ERBB4: variants seen among roughly 807,000 people sequenced by gnomAD.
The protein encoded by ERBB4 is erb-b2 receptor tyrosine kinase 4, also known as receptor tyrosine-protein kinase erbB-4.
In ERBB4, 42 loss-of-function variants were observed where a neutral mutation model predicts 158.0. That is an observed-to-expected ratio of 0.27 (90% confidence interval 0.21 to 0.34). ERBB4 has a LOEUF of 0.34. Ranked by LOEUF, ERBB4 falls within the 10% of genes least tolerant of loss-of-function variation. ERBB4 has a pLI of 1.00. For synonymous variants in ERBB4, 583 were observed against 558.7 expected (o/e 1.04, Z -0.61); for missense variants, 1,333 against 1,624.1 (o/e 0.82, Z 3.08).
chr2:211,769,122 A>T (rs957671367), intron 4 of ERBB4, among the ~76,000 whole-genome samples: 6 of 152,280 alleles, frequency 3.9e-5, no homozygotes, highest in African/African-American at 1.4e-4. Flanking sequence ...TCAAGTTCAA[A>T]GTTCCCCAGG....
chr2:212,192,162 T>C (rs796452400), intron 1 of ERBB4, among the ~76,000 whole-genome samples: 3 of 115,908 alleles, frequency 2.6e-5, no homozygotes, highest in African/African-American at 6.2e-5. Flanking sequence ...TATTATATTA[T>C]ATGTGTTATA....
At chr2:212,157,867 G>A (rs1433223868) in intron 1 of ERBB4, among the ~76,000 whole-genome samples, 3 of 152,024 alleles carry the variant, frequency 2.0e-5, no homozygotes, top group Non-Finnish European at 4.4e-5. Flanking sequence ...TAGACTGGAG[G>A]TAAGAAGACC....
At chr2:212,105,774 G>A (rs746252734) in intron 2 of ERBB4, among the ~76,000 whole-genome samples, 1 of 152,220 alleles carries the variant, frequency 6.6e-6, no homozygotes, top group African/African-American at 2.4e-5. Flanking sequence ...CAATTCCCAC[G>A]TGTTGTGGGA....
intron 2 of ERBB4, among the ~76,000 whole-genome samples, chr2:212,006,650 C>T (rs1237128306): frequency 6.6e-6 from 1 of 152,022 alleles, no homozygotes. Context: ...TGATTGGCCC[C>T]TTGGCTAATG....
intron 4 of ERBB4, chr2:211,778,399 A>G (rs1327052641): frequency 6.6e-6 from 1 of 152,132 alleles, no homozygotes; most frequent in African/African-American, 2.4e-5. Context: ...CCAACCAGGA[A>G]CTCTGCTAGG....
chr2:212,286,701 A>G (rs1327480902), intron 1 of ERBB4, among the ~76,000 whole-genome samples: 1 of 136,332 alleles, frequency 7.3e-6, no homozygotes, highest in Non-Finnish European at 1.5e-5. Flanking sequence ...TCCTGAGTTC[A>G]CACAATCCTC....
At chr2:211,817,437 C>T (rs1000510912) in intron 3 of ERBB4, among the ~76,000 whole-genome samples, 1 of 152,162 alleles carries the variant, frequency 6.6e-6, no homozygotes, top group Non-Finnish European at 1.5e-5. Flanking sequence ...TATTACTCTA[C>T]TCAATATCAA....
intron 1 of ERBB4, among the ~76,000 whole-genome samples, chr2:212,485,406 T>C (rs557227235): frequency 6.6e-6 from 1 of 152,284 alleles, no homozygotes; most frequent in East Asian, 1.9e-4. Flanking sequence ...TTGGAAGGCA[T>C]GCATTAATGT....
At chr2:212,304,308 C>T (rs947655775) in intron 1 of ERBB4, among the ~76,000 whole-genome samples, 2 of 151,466 alleles carry the variant, frequency 1.3e-5, no homozygotes, top group Non-Finnish European at 3.0e-5. Context: ...CCTGCCATTC[C>T]AAACTATACC....
chr2:212,505,749 C>T (rs1014072915), intron 1 of ERBB4, among the ~76,000 whole-genome samples: 1 of 148,890 alleles, frequency 6.7e-6, no homozygotes, highest in African/African-American at 2.4e-5. Context: ...AAAATTCATA[C>T]AAGCATGCCA....
intron 9 of ERBB4, among the ~76,000 whole-genome samples, chr2:211,707,430 G>A (rs186729603): frequency 6.6e-6 from 1 of 152,244 alleles, no homozygotes; most frequent in Non-Finnish European, 1.5e-5. Flanking sequence ...TGTGTTTGGT[G>A]ATCCAAAATA....
chr2:211,753,192 A>G (rs2075185419), intron 4 of ERBB4, among the ~76,000 whole-genome samples: 1 of 152,028 alleles, frequency 6.6e-6, no homozygotes, highest in African/African-American at 2.4e-5. Context: ...CACTTACTAC[A>G]TTTTTATGCC....
At chr2:211,439,914 G>C (rs1192492369) in intron 20 of ERBB4, among the ~76,000 whole-genome samples, 2 of 152,090 alleles carry the variant, frequency 1.3e-5, no homozygotes. Flanking sequence ...GGCCGACAGA[G>C]ATAACAGAAT....
intron 2 of ERBB4, among the ~76,000 whole-genome samples, chr2:212,110,464 T>G (rs899463851): frequency 9.2e-5 from 14 of 152,326 alleles, no homozygotes; most frequent in Middle Eastern, 6.8e-3. Flanking sequence ...CCATGGGCTT[T>G]GACACTTTTC....
chr2:211,424,054 G>T, intron 23 of ERBB4, 101 bp downstream of exon 23: 1 of 1,179,956 alleles, frequency 8.5e-7, no homozygotes. Flanking sequence ...TTTTTGAACT[G>T]TCGTATTTTT....
At chr2:211,483,728 T>A in intron 20 of ERBB4, among the ~76,000 whole-genome samples, 1 of 152,042 alleles carries the variant, frequency 6.6e-6, no homozygotes, top group East Asian at 1.9e-4. Context: ...ATTTTTGTAT[T>A]TTTAGTAGAG....
intron 20 of ERBB4, among the ~76,000 whole-genome samples, chr2:211,450,297 T>A (rs2064213281): frequency 6.6e-6 from 1 of 152,136 alleles, no homozygotes; most frequent in East Asian, 1.9e-4. Context: ...AGGCTCAGGA[T>A]GTTGACTTTT....
intron 1 of ERBB4, among the ~76,000 whole-genome samples, chr2:212,405,798 C>T (rs904413802): frequency 2.0e-5 from 3 of 152,036 alleles, no homozygotes. Context: ...GGTTTCTGAA[C>T]TTAAATTTCA....
At chr2:212,246,592 A>G (rs1328776163) in intron 1 of ERBB4, among the ~76,000 whole-genome samples, 1 of 152,226 alleles carries the variant, frequency 6.6e-6, no homozygotes, top group Non-Finnish European at 1.5e-5. Flanking sequence ...AAGAGATGTC[A>G]TGAAAGATGT....
Sources: allele counts gnomAD v4.1 joint callset (sites outside exome capture counted in the v4.1 genomes callset), GRCh38; gene constraint gnomAD v4.1.1; transcripts MANE v1.5; gene names NCBI Gene and HGNC (gene_info 2026-07-23, HGNC 2026-07-21).